The following PTPN3 variants were observed in gnomAD, a reference collection of about 807,000 sequenced individuals.
PTPN3 encodes protein tyrosine phosphatase non-receptor type 3, also known as tyrosine-protein phosphatase non-receptor type 3.
Under a neutral mutation model 132.7 loss-of-function variants are expected in PTPN3, and 96 were observed. That is an observed-to-expected ratio of 0.72 (90% CI 0.61 to 0.86). PTPN3 has a LOEUF of 0.86. PTPN3 is among the 40% of genes least tolerant of loss of function. The probability of loss-of-function intolerance (pLI) is 0.00; values close to 1 mark genes in which losing one functional copy is unlikely to be tolerated. For missense variants in PTPN3, 1,125 were observed against 1,159.6 expected, an observed-to-expected ratio of 0.97 and a Z score of 0.43; for synonymous variants, 398 against 429.0, an observed-to-expected ratio of 0.93 and a Z score of 0.89.
intron 1 of PTPN3, among the ~76,000 whole-genome samples, chr9:109,479,242 G>A (rs542952146): frequency 6.9e-6 from 1 of 145,578 alleles, no homozygotes; most frequent in South Asian, 2.1e-4. Flanking sequence ...CTGCCTCTAC[G>A]AATTTGCCTA....
intron 1 of PTPN3, among the ~76,000 whole-genome samples, chr9:109,475,345 A>G (rs977341619): frequency 6.6e-6 from 1 of 152,264 alleles, no homozygotes; most frequent in East Asian, 1.9e-4. Context: ...CTCATCGGAA[A>G]TAATTCTAAA....
chr9:109,436,959 T>C lies in PTPN3; in HGVS notation c.599A>G (p.Gln200Arg). 1 of 1,614,120 alleles carries C rather than the reference T, an allele frequency of 6.2e-7. No homozygotes were observed. Among genetic ancestry groups the C allele is most frequent in the Non-Finnish European group, 8.5e-7 (1 of 1,179,990 alleles). Residue 200 changes from glutamine (Q) to arginine (R), a missense_variant, in exon 9 of 26, where the codon CAA (glutamine) becomes CGA (arginine). Physicochemically the swap from Gln to Arg is conservative, Grantham distance 43. Transcript: ENST00000374541. ...GATATAGCAGGATTCTGCTTCTGAT[T>C]GTTTTAGCCCACTACGGAAGAAAAG... ...SLHEQHSGLK[Q>R]SEAESCYINI...
intron 25 of PTPN3, among the ~76,000 whole-genome samples, chr9:109,380,844 C>T (rs1839013848): frequency 6.6e-6 from 1 of 152,096 alleles, no homozygotes; most frequent in Non-Finnish European, 1.5e-5. Flanking sequence ...GGGGTTTTTA[C>T]CAGAGAAGAC....
chr9:109,451,410 G>A (rs780400291), intron 5 of PTPN3: 55 of 951,354 alleles, frequency 5.8e-5, no homozygotes, highest in Non-Finnish European at 6.8e-5. Flanking sequence ...GGGGTGGGGT[G>A]TCAGTTGTCA....
At chr9:109,468,333 G>A (rs1354424339) in intron 1 of PTPN3, among the ~76,000 whole-genome samples, 6 of 152,136 alleles carry the variant, frequency 3.9e-5, no homozygotes, top group African/African-American at 1.2e-4. Flanking sequence ...AATAGCAAAC[G>A]AAGCTCTATT....
At chr9:109,527,986 ATAAT>A in the PTPN3 span, among the ~76,000 whole-genome samples, 3 of 152,366 alleles carry the variant, frequency 2.0e-5, no homozygotes, top group East Asian at 3.9e-4. Flanking sequence ...GGACATCCAA[ATAAT>A]TAATAAGCAA....
intron 17 of PTPN3, among the ~76,000 whole-genome samples, chr9:109,407,713 T>C (rs1841684074): frequency 6.6e-6 from 1 of 152,178 alleles, no homozygotes; most frequent in East Asian, 1.9e-4. Context: ...CCCAGATAAT[T>C]TTTGTATTTT....
chr9:109,453,992 G>T (rs569225102), intron 5 of PTPN3, among the ~76,000 whole-genome samples: 2 of 152,212 alleles, frequency 1.3e-5, no homozygotes, highest in East Asian at 1.9e-4. Context: ...TCCAGCCAGG[G>T]TGAAGAGAGA....
At chr9:109,470,026 C>T (rs1298510813) in intron 1 of PTPN3, among the ~76,000 whole-genome samples, 2 of 151,746 alleles carry the variant, frequency 1.3e-5, no homozygotes, top group African/African-American at 4.8e-5. Context: ...CTCAGGAAAG[C>T]GCCTTCTTCC....
the PTPN3 span, among the ~76,000 whole-genome samples, chr9:109,504,139 G>A: frequency 1.3e-5 from 2 of 152,294 alleles, no homozygotes; most frequent in African/African-American, 4.8e-5. Context: ...ATTCTTGCGG[G>A]TATCTGGGGG....
chr9:109,389,592 T>C (rs551873459), intron 21 of PTPN3, among the ~76,000 whole-genome samples: 1 of 152,324 alleles, frequency 6.6e-6, no homozygotes, highest in African/African-American at 2.4e-5. Context: ...AAGATAAAAG[T>C]GTGTGGTACT....
chr9:109,451,231 T>A (rs1355024495), intron 5 of PTPN3: 7 of 982,890 alleles, frequency 7.1e-6, no homozygotes, highest in Non-Finnish European at 7.2e-6. Flanking sequence ...TCAAAAAATA[T>A]ATATATATAT....
At chr9:109,523,291 T>A in the PTPN3 span, among the ~76,000 whole-genome samples, 1 of 152,100 alleles carries the variant, frequency 6.6e-6, no homozygotes, top group Non-Finnish European at 1.5e-5. Flanking sequence ...ATTTTTTGTA[T>A]TTTTAGCAGA....
intron 1 of PTPN3, among the ~76,000 whole-genome samples, chr9:109,493,072 A>T (rs1847531547): frequency 6.6e-6 from 1 of 152,188 alleles, no homozygotes; most frequent in South Asian, 2.1e-4. Context: ...TTTGACTTTG[A>T]CAACAGATGA....
chr9:109,505,926 T>A, the PTPN3 span, among the ~76,000 whole-genome samples: 53 of 151,968 alleles, frequency 3.5e-4, no homozygotes, highest in African/African-American at 1.2e-3. Context: ...ATTTTTTGTA[T>A]TTTTTTAGTA....
At chr9:109,401,714 C>T (rs1841125072) in intron 19 of PTPN3, among the ~76,000 whole-genome samples, 1 of 152,130 alleles carries the variant, frequency 6.6e-6, no homozygotes, top group South Asian at 2.1e-4. Context: ...AGGCATTGCC[C>T]AGGATCTGCA....
chr9:109,412,984 G>C (rs943922482), intron 14 of PTPN3, among the ~76,000 whole-genome samples: 10 of 146,874 alleles, frequency 6.8e-5, no homozygotes, highest in Admixed American at 1.4e-4. Context: ...CTGTCGCCCA[G>C]GCTGGAGTGC....
At chr9:109,383,322 G>T in intron 23 of PTPN3, 101 bp downstream of exon 23, 1 of 1,593,750 alleles carries the variant, frequency 6.3e-7, no homozygotes, top group South Asian at 1.1e-5. Flanking sequence ...CGCTTGCCAG[G>T]TGCAAACAGA....
intron 19 of PTPN3, among the ~76,000 whole-genome samples, chr9:109,402,191 C>T (rs746456153): frequency 3.9e-5 from 6 of 152,078 alleles, no homozygotes; most frequent in African/African-American, 7.2e-5. Flanking sequence ...TTCCTTGTTT[C>T]GATTTTGGAG....
Sources: gnomAD v4.1 joint callset for allele counts (sites outside exome capture counted in the v4.1 genomes callset) on GRCh38, gnomAD v4.1.1 for gene constraint, MANE v1.5 for transcripts, NCBI Gene and HGNC (gene_info 2026-07-23, HGNC 2026-07-21) for gene names.